Variants in GBE1 observed in about 807,000 individuals in gnomAD.
The protein encoded by GBE1 is 1,4-alpha-glucan branching enzyme 1.
In GBE1, 70 loss-of-function variants were observed where a neutral mutation model predicts 88.8. The ratio of observed to expected loss-of-function variants is 0.79; its 90% confidence interval spans 0.65 to 0.96. The LOEUF (loss-of-function observed/expected upper bound fraction) is 0.96, where lower values mean the gene tolerates loss of function less well. Among genes scored for constraint, GBE1 ranks in the 40% least tolerant of loss-of-function variants. The pLI is 0.00. For missense variants in GBE1, 872 were observed against 871.0 expected (o/e 1.00, Z -0.01); for synonymous variants, 284 against 300.1 (o/e 0.95, Z 0.56).
chr3:81,553,935 T>C (rs1056137157), intron 12 of GBE1, among the ~76,000 whole-genome samples: 1 of 152,068 alleles, frequency 6.6e-6, no homozygotes, highest in Non-Finnish European at 1.5e-5. Flanking sequence ...ATTTTTAAAT[T>C]TAAAATAAAT....
At chr3:81,560,754 T>C (rs1451670014) in intron 12 of GBE1, among the ~76,000 whole-genome samples, 1 of 151,996 alleles carries the variant, frequency 6.6e-6, no homozygotes, top group Non-Finnish European at 1.5e-5. Context: ...GCAAACGAAG[T>C]TGAAAAGCTG....
chr3:81,574,960 C>T (rs1222213951), intron 12 of GBE1, among the ~76,000 whole-genome samples: 1 of 151,956 alleles, frequency 6.6e-6, no homozygotes, highest in African/African-American at 2.4e-5. Flanking sequence ...GTCAGGAGAT[C>T]GAGATCATCC....
chr3:81,665,805 T>G (rs1369993642), intron 3 of GBE1, among the ~76,000 whole-genome samples: 1 of 152,132 alleles, frequency 6.6e-6, no homozygotes, highest in Non-Finnish European at 1.5e-5. Context: ...ATGACCCAAA[T>G]GCAGGAAGCA....
chr3:81,530,852 G>C (rs1285092972), intron 14 of GBE1, among the ~76,000 whole-genome samples: 1 of 151,770 alleles, frequency 6.6e-6, no homozygotes, highest in African/African-American at 2.4e-5. Context: ...AAAGGCCAAG[G>C]GTTCTTTAGT....
At chr3:81,750,664 TATATATATAC>T (rs1706513161) in intron 1 of GBE1, among the ~76,000 whole-genome samples, 1 of 80,906 alleles carries the variant, frequency 1.2e-5, no homozygotes, top group East Asian at 1.1e-3. Context: ...TATATGTATA[TATATATATAC>T]GTATATATAT....
chr3:81,553,388 A>G (rs566439366), intron 12 of GBE1, among the ~76,000 whole-genome samples: 1 of 151,860 alleles, frequency 6.6e-6, no homozygotes, highest in East Asian at 1.9e-4. Context: ...TGTGTTTTGT[A>G]TGTGTGTGGT....
intron 15 of GBE1, among the ~76,000 whole-genome samples, chr3:81,496,020 T>C (rs1702496519): frequency 6.6e-6 from 1 of 152,172 alleles, no homozygotes; most frequent in Non-Finnish European, 1.5e-5. Context: ...TTATCTCTCA[T>C]TTGTGCTATG....
At chr3:81,596,503 G>A (rs9681347) in intron 7 of GBE1, among the ~76,000 whole-genome samples, 95,224 of 151,670 alleles carry the variant, frequency 0.63, 31,145 homozygotes, top group East Asian at 0.92. Flanking sequence ...TCTTATAAGG[G>A]TAACATTTTA....
intron 12 of GBE1, among the ~76,000 whole-genome samples, chr3:81,547,547 G>A (rs955888546): frequency 7.9e-5 from 12 of 151,148 alleles, no homozygotes; most frequent in African/African-American, 2.9e-4. Context: ...GGGCCACTCA[G>A]GGCAAGGGAA....
chr3:81,603,238 G>A (rs1034981957), intron 7 of GBE1, among the ~76,000 whole-genome samples: 60 of 151,888 alleles, frequency 4.0e-4, no homozygotes, highest in Non-Finnish European at 1.0e-4. Flanking sequence ...ATTTATATAC[G>A]ATTTTGCAAA....
intron 2 of GBE1, among the ~76,000 whole-genome samples, chr3:81,695,588 T>C (rs1011895334): frequency 6.6e-6 from 1 of 152,132 alleles, no homozygotes. Flanking sequence ...TTGCACAACA[T>C]AAAAATATAG....
intron 3 of GBE1, among the ~76,000 whole-genome samples, chr3:81,668,118 G>C (rs2107109900): frequency 6.6e-6 from 1 of 152,206 alleles, no homozygotes; most frequent in Admixed American, 6.5e-5. Context: ...ACTAACACAG[G>C]AACAGAAAAC....
At chr3:81,518,107 A>G (rs576258812) in intron 14 of GBE1, among the ~76,000 whole-genome samples, 4 of 151,510 alleles carry the variant, frequency 2.6e-5, no homozygotes, top group South Asian at 2.1e-4. Flanking sequence ...CCAAACCCCA[A>G]TGAAGGATAC....
rs1308755219 is a variant in GBE1 at position 81,573,766 on chromosome 3, T to C, written c.1618+4159A>G. Among the ~76,000 whole-genome samples the C allele has an allele frequency of 2.1e-3, 233 of 110,290 alleles. 1 individual carries two copies. Among genetic ancestry groups the C allele is most frequent in the East Asian group, 0.014 (37 of 2,574 alleles). 72.4% of individuals were successfully genotyped at this position (110,290 alleles called of 152,430 possible). On this transcript the variant is annotated intron_variant, in intron 12 of 15. Transcript: ENST00000429644. ...AGTCAATTTGCCTTCTCTCTCTCTCTCTCTCTCTCTGTGTGTGTGTGTGTG... is the reference window on the plus strand; with the variant it reads ...AGTCAATTTGCCTTCTCTCTCTCTCCCTCTCTCTCTGTGTGTGTGTGTGTG...
intron 3 of GBE1, among the ~76,000 whole-genome samples, chr3:81,665,742 G>A (rs1001840394): frequency 6.6e-6 from 1 of 151,986 alleles, no homozygotes; most frequent in African/African-American, 2.4e-5. Flanking sequence ...ACCACATCCC[G>A]CAAAACACTC....
At chr3:81,736,478 T>C (rs147353677) in intron 1 of GBE1, among the ~76,000 whole-genome samples, 1 of 152,334 alleles carries the variant, frequency 6.6e-6, no homozygotes, top group African/African-American at 2.4e-5. Flanking sequence ...CACATATTTG[T>C]ATGTTGCATC....
At chr3:81,604,892 C>T (rs1348779625) in intron 7 of GBE1, among the ~76,000 whole-genome samples, 1 of 152,056 alleles carries the variant, frequency 6.6e-6, no homozygotes, top group Non-Finnish European at 1.5e-5. Context: ...ATGTTTAACA[C>T]CATAAGAAGT....
intron 14 of GBE1, among the ~76,000 whole-genome samples, chr3:81,531,212 C>T (rs1703007596): frequency 6.6e-6 from 1 of 151,906 alleles, no homozygotes; most frequent in African/African-American, 2.4e-5. Flanking sequence ...TAGGTCTCTC[C>T]TTTCAGGGCA....
At chr3:81,737,396 A>T (rs1332984979) in intron 1 of GBE1, among the ~76,000 whole-genome samples, 6 of 32,954 alleles carry the variant, frequency 1.8e-4, no homozygotes, top group African/African-American at 9.6e-4. Flanking sequence ...TATTTATATA[A>T]ATATATTTTT....
Sources: gnomAD v4.1 joint callset for allele counts (sites outside exome capture counted in the v4.1 genomes callset) on GRCh38, gnomAD v4.1.1 for gene constraint, MANE v1.5 for transcripts, NCBI Gene and HGNC (gene_info 2026-07-23, HGNC 2026-07-21) for gene names.